UNC79: variants seen among roughly 807,000 people sequenced by gnomAD.
UNC79 encodes unc-79 subunit of NALCN channel complex.
Under a neutral mutation model 283.1 loss-of-function variants are expected in UNC79, and 37 were observed. That is an observed-to-expected ratio of 0.13 (90% CI 0.10 to 0.17). UNC79 has a LOEUF of 0.17. Among genes scored for constraint, UNC79 ranks in the 10% least tolerant of loss-of-function variants. The pLI is 1.00. For missense variants in UNC79, 2,272 were observed against 3,211.1 expected, an observed-to-expected ratio of 0.71 and a Z score of 7.07; for synonymous variants, 1,107 against 1,200.2, an observed-to-expected ratio of 0.92 and a Z score of 1.61.
chr14:93,349,938 A>T (rs956190879), intron 1 of UNC79, among the ~76,000 whole-genome samples: 2 of 148,194 alleles, frequency 1.3e-5, no homozygotes, highest in Admixed American at 6.6e-5. Flanking sequence ...TGTTAAAAAT[A>T]AAAAAAATTA....
intron 4 of UNC79, among the ~76,000 whole-genome samples, chr14:93,481,685 T>G (rs542215878): frequency 3.3e-5 from 5 of 152,318 alleles, no homozygotes; most frequent in South Asian, 4.1e-4. Flanking sequence ...TTTTTTGTTC[T>G]ATTCCTACTA....
chr14:93,345,700 G>A (rs1483933012), intron 1 of UNC79, among the ~76,000 whole-genome samples: 1 of 152,142 alleles, frequency 6.6e-6, no homozygotes, highest in African/African-American at 2.4e-5. Flanking sequence ...AGAAGGGCCA[G>A]TGTCCGTCAA....
At chr14:93,679,708 G>T (rs559270334) in intron 41 of UNC79, among the ~76,000 whole-genome samples, 1 of 152,262 alleles carries the variant, frequency 6.6e-6, no homozygotes, top group Non-Finnish European at 1.5e-5. Context: ...GAGATTAGAG[G>T]TGAAGACATT....
chr14:93,389,204 G>A (rs1030401598), intron 1 of UNC79, among the ~76,000 whole-genome samples: 8 of 152,246 alleles, frequency 5.3e-5, no homozygotes, highest in South Asian at 2.1e-4. Context: ...CCAACAAGGT[G>A]GGGAAATGAT....
At chr14:93,435,875 C>T (rs1014569867) in intron 1 of UNC79, among the ~76,000 whole-genome samples, 2 of 152,194 alleles carry the variant, frequency 1.3e-5, no homozygotes, top group African/African-American at 2.4e-5. Context: ...TCTTCCCCCT[C>T]ATCGTCTTGG....
chr14:93,697,476 A>G (rs2075226400), intron 47 of UNC79, among the ~76,000 whole-genome samples: 2 of 152,136 alleles, frequency 1.3e-5, no homozygotes, highest in African/African-American at 2.4e-5. Flanking sequence ...CTGCGTTACT[A>G]TAGCTTTATA....
intron 7 of UNC79, among the ~76,000 whole-genome samples, chr14:93,505,334 G>C (rs974147464): frequency 1.3e-5 from 2 of 151,852 alleles, no homozygotes; most frequent in African/African-American, 2.4e-5. Context: ...ATATTTTCAG[G>C]CTGCATTATT....
At chr14:93,451,071 G>A (rs939313272) in intron 1 of UNC79, among the ~76,000 whole-genome samples, 11 of 150,368 alleles carry the variant, frequency 7.3e-5, no homozygotes, top group East Asian at 3.9e-4. Context: ...GCACAACAGC[G>A]TTCATTTATA....
intron 9 of UNC79, 54 bp downstream of exon 9, chr14:93,528,700 G>A (rs2060658898): frequency 1.9e-6 from 3 of 1,539,904 alleles, no homozygotes; most frequent in African/African-American, 1.4e-5. Flanking sequence ...AAGAAGATAA[G>A]AAAAATCATT....
At chr14:93,651,038 A>G (rs2070191352) in intron 35 of UNC79, among the ~76,000 whole-genome samples, 1 of 152,046 alleles carries the variant, frequency 6.6e-6, no homozygotes, top group Non-Finnish European at 1.5e-5. Flanking sequence ...TAAAAAAGAT[A>G]TTTTCTTTTC....
Position 93,450,955 on chromosome 14 carries a change from G to T in UNC79, c.23-16716G>T, listed in dbSNP as rs576253512. ...TATTTTGTCTTTTGCTGTATTTTGG[G>T]GAAATTTTCTCAATTGTATCTTCTA... On this transcript the variant is annotated intron_variant, in intron 1 of 48. Coordinates refer to ENST00000555664, the Ensembl canonical transcript of UNC79. Among the ~76,000 whole-genome samples the T allele has an allele frequency of 2.0e-5, 3 of 151,878 alleles. No homozygotes were observed. The South Asian group carries it at 6.2e-4, about 32-fold the overall frequency.
chr14:93,495,168 C>T (rs745513110), intron 5 of UNC79, among the ~76,000 whole-genome samples: 4 of 152,090 alleles, frequency 2.6e-5, no homozygotes, highest in Non-Finnish European at 5.9e-5. Flanking sequence ...TGTATTAGTC[C>T]GTTTTTACAC....
chr14:93,691,784 G>A lies in UNC79; in HGVS notation c.7308G>A (p.Ala2436=), dbSNP rs144679822. The A allele has an allele frequency of 8.9e-5, 143 of 1,614,126 alleles. No homozygotes were observed. In the African/African-American group the frequency reaches 1.8e-3, roughly 20 times the overall value. ...TGCACATGTGCTCCCTCTTCCACGC[G>A]TTCATCTTTGCTCAGCTGTGGACAG... Residue 2436 remains alanine, a synonymous_variant, in exon 46 of 49, where the codon GCG becomes GCA. Transcript: ENST00000555664.
At chr14:93,403,655 A>G (rs914730775) in intron 1 of UNC79, among the ~76,000 whole-genome samples, 4 of 152,206 alleles carry the variant, frequency 2.6e-5, no homozygotes, top group African/African-American at 9.7e-5. Context: ...GGATTTGCAG[A>G]ACACTGATGA....
intron 1 of UNC79, among the ~76,000 whole-genome samples, chr14:93,343,540 T>A (rs1405485148): frequency 6.6e-6 from 1 of 151,672 alleles, no homozygotes; most frequent in Non-Finnish European, 1.5e-5. Context: ...CCTTTGGTTC[T>A]TTTTTTTTCC....
intron 14 of UNC79, among the ~76,000 whole-genome samples, chr14:93,568,716 CA>C (rs2063046158): frequency 6.9e-6 from 1 of 144,922 alleles, no homozygotes; most frequent in East Asian, 2.3e-4. Context: ...AACAAACAAA[CA>C]AAAAAACTTA....
intron 47 of UNC79, among the ~76,000 whole-genome samples, chr14:93,699,603 G>C (rs1268906688): frequency 6.6e-6 from 1 of 152,032 alleles, no homozygotes; most frequent in Non-Finnish European, 1.5e-5. Context: ...TTGATTCAGA[G>C]TTTATAGTAT....
chr14:93,641,883 A>G (rs2069070107), intron 33 of UNC79, among the ~76,000 whole-genome samples: 1 of 152,154 alleles, frequency 6.6e-6, no homozygotes, highest in South Asian at 2.1e-4. Context: ...TACTGTTCTC[A>G]TGGCAGTGAA....
intron 1 of UNC79, among the ~76,000 whole-genome samples, chr14:93,438,680 G>A (rs944276515): frequency 3.5e-5 from 5 of 144,652 alleles, no homozygotes; most frequent in African/African-American, 7.7e-5. Flanking sequence ...TTTTTTTCAC[G>A]TAACCCTCAT....
Sources: allele counts gnomAD v4.1 joint callset (sites outside exome capture counted in the v4.1 genomes callset), GRCh38; gene constraint gnomAD v4.1.1; transcripts MANE v1.5; gene names NCBI Gene and HGNC (gene_info 2026-07-23, HGNC 2026-07-21).